Variants in FAM13A observed in about 807,000 individuals in gnomAD.
The protein encoded by FAM13A is protein FAM13A.
FAM13A carries 76 observed loss-of-function variants against 129.6 expected under a neutral mutation model. The observed-to-expected ratio is 0.59, with a 90% CI of 0.49 to 0.71. The LOEUF is 0.71. FAM13A is among the 30% of genes least tolerant of loss of function. The pLI, the probability that FAM13A is intolerant of heterozygous loss-of-function variation, is 0.00. For missense variants in FAM13A, 1,108 were observed against 1,249.3 expected, an observed-to-expected ratio of 0.89 and a Z score of 1.70; for synonymous variants, 443 against 449.9, an observed-to-expected ratio of 0.98 and a Z score of 0.20.
intron 6 of FAM13A, among the ~76,000 whole-genome samples, chr4:88,863,571 G>A (rs1041497163): frequency 6.6e-6 from 1 of 152,154 alleles, no homozygotes; most frequent in African/African-American, 2.4e-5. Flanking sequence ...AGAAGTACAA[G>A]TCACAACCTG....
chr4:88,811,097 T>C (rs937836917), intron 7 of FAM13A, among the ~76,000 whole-genome samples: 2 of 152,184 alleles, frequency 1.3e-5, no homozygotes, highest in Non-Finnish European at 2.9e-5. Context: ...AAACTATTTC[T>C]TTCTCTGTCC....
At chr4:88,773,187 T>A (rs1428084081) in intron 11 of FAM13A, among the ~76,000 whole-genome samples, 1 of 152,208 alleles carries the variant, frequency 6.6e-6, no homozygotes, top group East Asian at 1.9e-4. Flanking sequence ...CGTCATCTTC[T>A]CCTCTCTATT....
At chr4:88,926,833 T>C (rs1395508590) in intron 5 of FAM13A, among the ~76,000 whole-genome samples, 4 of 152,190 alleles carry the variant, frequency 2.6e-5, no homozygotes, top group African/African-American at 9.6e-5. Context: ...AAGTTGCCCA[T>C]TTGAGTAATT....
intron 4 of FAM13A, among the ~76,000 whole-genome samples, chr4:88,972,994 C>A (rs1418986432): frequency 6.6e-6 from 1 of 152,176 alleles, no homozygotes; most frequent in East Asian, 1.9e-4. Flanking sequence ...TATCCACACT[C>A]TTCTTGCATG....
At chr4:88,771,041 G>A (rs1720572359) in intron 11 of FAM13A, among the ~76,000 whole-genome samples, 1 of 151,982 alleles carries the variant, frequency 6.6e-6, no homozygotes, top group Non-Finnish European at 1.5e-5. Context: ...TCATTGTCTG[G>A]TTTCACTAAA....
At chr4:89,022,644 G>A (rs1029990533) in intron 2 of FAM13A, among the ~76,000 whole-genome samples, 34 of 152,096 alleles carry the variant, frequency 2.2e-4, no homozygotes, top group Admixed American at 1.2e-3. Context: ...AGTGTGGGCC[G>A]GACCTAGTGA....
chr4:88,791,119 C>A (rs1266521490), intron 8 of FAM13A, among the ~76,000 whole-genome samples: 1 of 152,082 alleles, frequency 6.6e-6, no homozygotes, highest in Admixed American at 6.6e-5. Context: ...GGATAGAGAA[C>A]AAGGAACCGA....
chr4:88,977,990 A>G (rs1326302097), intron 4 of FAM13A, among the ~76,000 whole-genome samples: 1 of 152,226 alleles, frequency 6.6e-6, no homozygotes, highest in East Asian at 1.9e-4. Context: ...AACCCAAGGA[A>G]TAATAGACTT....
chr4:89,029,287 G>A (rs1201737051), intron 2 of FAM13A, among the ~76,000 whole-genome samples, 173 bp downstream of exon 2: 1 of 152,202 alleles, frequency 6.6e-6, no homozygotes, highest in Non-Finnish European at 1.5e-5. Context: ...TCAAGATCAT[G>A]TTAAGCAGTA....
intron 4 of FAM13A, among the ~76,000 whole-genome samples, chr4:88,985,263 T>A (rs536064654): frequency 1.3e-5 from 2 of 152,168 alleles, no homozygotes; most frequent in Non-Finnish European, 2.9e-5. Context: ...AGAAAGTAGA[T>A]GAGTGGTTGC....
intron 8 of FAM13A, among the ~76,000 whole-genome samples, chr4:88,804,635 C>G (rs1372318231): frequency 6.6e-6 from 1 of 152,086 alleles, no homozygotes; most frequent in Non-Finnish European, 1.5e-5. Flanking sequence ...TAACACAACC[C>G]AAGGCTTTAT....
At chr4:88,830,742 A>G (rs1235323579) in intron 7 of FAM13A, among the ~76,000 whole-genome samples, 1 of 152,182 alleles carries the variant, frequency 6.6e-6, no homozygotes, top group Non-Finnish European at 1.5e-5. Context: ...AATCTTGTCA[A>G]GCTGTCAGTG....
At chr4:88,982,630 T>C (rs530596094) in intron 4 of FAM13A, among the ~76,000 whole-genome samples, 1 of 152,332 alleles carries the variant, frequency 6.6e-6, no homozygotes, top group South Asian at 2.1e-4. Context: ...GAAAATCCAA[T>C]ACTCATTTTA....
chr4:88,975,192 A>G (rs1378356137), intron 4 of FAM13A, among the ~76,000 whole-genome samples: 6 of 152,224 alleles, frequency 3.9e-5, no homozygotes, highest in African/African-American at 1.4e-4. Context: ...TCTTAAAGTC[A>G]CAAAGCTGAT....
intron 7 of FAM13A, 68 bp from the exon 8 acceptor site, chr4:88,805,120 T>G: frequency 1.2e-6 from 1 of 837,504 alleles, no homozygotes; most frequent in South Asian, 1.5e-5. Flanking sequence ...TTACTAAAAA[T>G]GTTCTACCTG....
chr4:89,037,584 G>A (rs890712024), intron 1 of FAM13A, among the ~76,000 whole-genome samples: 2 of 152,208 alleles, frequency 1.3e-5, no homozygotes, highest in African/African-American at 4.8e-5. Context: ...GGGGACTGCT[G>A]AGAAGGAATG....
chr4:88,905,713 A>G (rs1748033664), intron 6 of FAM13A: 1 of 152,182 alleles, frequency 6.6e-6, no homozygotes. Flanking sequence ...AGCTCCATCC[A>G]TGTTCCTGCA....
rs73844121 is a variant in FAM13A at position 88,780,257 on chromosome 4, A to G, written c.1458+908T>C. ...AAAATTAGAAATCTTCTCCGAGCAC[A>G]TGCAGAAATTGACAATGAGAAAATA... On this transcript the variant is annotated intron_variant, in intron 11 of 23. Transcript: ENST00000264344. Among the ~76,000 whole-genome samples, 1,260 of 152,314 alleles carry G rather than the reference A, an allele frequency of 8.3e-3. 21 individuals are homozygous for G. The highest frequency in any genetic ancestry group is 0.028 in the African/African-American group (1,178 of 41,584).
rs567663863 is a variant in FAM13A, at chr4:89,020,399, G to A, written c.427+61C>T. 2.4e-5 allele frequency: 30 copies of A among 1,232,406 alleles called. No individual in the cohort carries two copies. In the South Asian group the frequency reaches 3.4e-4, roughly 14 times the overall value. The allele number at this position is 1,232,406 out of a possible 1,614,324, so 76.3% of individuals were successfully genotyped here. The stretch of plus-strand genomic sequence containing the variant: ...CCCAAAGTGTTGGGATTATAGGTGT[G>A]GGCCACCGTGCCCAGCCTAGTAAAG... On this transcript the variant is annotated intron_variant, in intron 3 of 23. Transcript: ENST00000264344.
Sources: gnomAD v4.1 joint callset for allele counts (sites outside exome capture counted in the v4.1 genomes callset) on GRCh38, gnomAD v4.1.1 for gene constraint, MANE v1.5 for transcripts, NCBI Gene and HGNC (gene_info 2026-07-23, HGNC 2026-07-21) for gene names.